The following PLEKHM3 variants were observed in gnomAD, a reference collection of about 807,000 sequenced individuals.
The protein encoded by PLEKHM3 is pleckstrin homology domain-containing family M member 3.
A neutral mutation model predicts 81.8 loss-of-function variants in PLEKHM3; 45 were observed. That is an observed-to-expected ratio of 0.55 (90% CI 0.43 to 0.71). The LOEUF (loss-of-function observed/expected upper bound fraction) is 0.71. Among genes scored for constraint, PLEKHM3 ranks in the 30% least tolerant of loss-of-function variants. The pLI, the probability that PLEKHM3 is intolerant of heterozygous loss-of-function variation, is 0.00. For synonymous variants in PLEKHM3, 352 were observed against 356.4 expected (o/e 0.99, Z 0.14); for missense variants, 788 against 924.3 (o/e 0.85, Z 1.91).
intron 4 of PLEKHM3, among the ~76,000 whole-genome samples, chr2:207,945,292 C>T (rs181026848): frequency 7.9e-5 from 12 of 152,282 alleles, no homozygotes; most frequent in African/African-American, 2.2e-4. Context: ...GGAGGGTCCC[C>T]GTGCTCACTT....
chr2:207,954,077 T>A (rs1360131817), intron 3 of PLEKHM3, among the ~76,000 whole-genome samples: 2 of 152,164 alleles, frequency 1.3e-5, no homozygotes, highest in Non-Finnish European at 2.9e-5. Context: ...ATCCCAGTAC[T>A]TTTGGAGACC....
intron 3 of PLEKHM3, among the ~76,000 whole-genome samples, chr2:207,967,052 T>G (rs1218871448): frequency 6.6e-6 from 1 of 152,228 alleles, no homozygotes; most frequent in Non-Finnish European, 1.5e-5. Context: ...GTCATGATTA[T>G]AGCTCACCGC....
intron 2 of PLEKHM3, among the ~76,000 whole-genome samples, chr2:207,993,794 T>G (rs1691980541): frequency 6.6e-6 from 1 of 152,196 alleles, no homozygotes; most frequent in Non-Finnish European, 1.5e-5. Context: ...TCTGGCAGTT[T>G]GTTGAGTTTC....
chr2:207,859,413 C>T (rs1229706742), intron 7 of PLEKHM3, among the ~76,000 whole-genome samples: 1 of 151,998 alleles, frequency 6.6e-6, no homozygotes, highest in African/African-American at 2.4e-5. Context: ...GCTGGGATTA[C>T]AGGTGTGAGC....
intron 7 of PLEKHM3, among the ~76,000 whole-genome samples, chr2:207,838,900 T>C (rs1245016710): frequency 6.6e-6 from 1 of 152,222 alleles, no homozygotes; most frequent in African/African-American, 2.4e-5. Flanking sequence ...TAGAAATTCC[T>C]AAAGTAGTTT....
chr2:207,869,655 T>C (rs2092522066), intron 6 of PLEKHM3, among the ~76,000 whole-genome samples: 1 of 152,232 alleles, frequency 6.6e-6, no homozygotes, highest in African/African-American at 2.4e-5. Flanking sequence ...AGCATCAAGC[T>C]TGTATCGGCT....
intron 2 of PLEKHM3, among the ~76,000 whole-genome samples, chr2:207,981,511 T>A (rs1288538402): frequency 2.0e-5 from 3 of 152,088 alleles, no homozygotes; most frequent in African/African-American, 7.2e-5. Flanking sequence ...ATACCTGGCT[T>A]ATTTTTTTAT....
At chr2:207,975,293 C>G (rs1280029117) in intron 3 of PLEKHM3, among the ~76,000 whole-genome samples, 1 of 152,128 alleles carries the variant, frequency 6.6e-6, no homozygotes, top group Non-Finnish European at 1.5e-5. Context: ...CATAACTAAC[C>G]TAAGTTCAAA....
intron 1 of PLEKHM3, among the ~76,000 whole-genome samples, chr2:208,010,555 A>C (rs941762592): frequency 6.6e-6 from 1 of 151,786 alleles, no homozygotes; most frequent in Non-Finnish European, 1.5e-5. Flanking sequence ...GAGAGGAAGA[A>C]GGCAAAAACT....
chr2:208,015,475 CA>C (rs11458602), intron 1 of PLEKHM3, among the ~76,000 whole-genome samples: 14 of 151,134 alleles, frequency 9.3e-5, no homozygotes, highest in African/African-American at 2.9e-4. Context: ...AGTTAATTTA[CA>C]AAAAAAAATC....
Position 208,001,607 on chromosome 2 carries a change from T to C in PLEKHM3, c.33A>G (p.Pro11=), listed in dbSNP as rs1692308880. 1 of 1,614,100 alleles carries C rather than the reference T, an allele frequency of 6.2e-7. No individual in the cohort carries two copies. Among genetic ancestry groups the C allele is most frequent in the Non-Finnish European group, 8.5e-7 (1 of 1,179,986 alleles). Residue 11 remains proline (P), a synonymous_variant, in exon 2 of 8, where the codon CCA becomes CCG. Transcript: ENST00000427836. Reference sequence around the variant, plus strand: ...AGAATTCCTCCGTAACTTCTAAGGCTGGGCTGATATCATCCACTTCCAAAG... The same window carrying C: ...AGAATTCCTCCGTAACTTCTAAGGCCGGGCTGATATCATCCACTTCCAAAG... MEALEVDDIS[P]ALEVTEEFFS...
In PLEKHM3 at chr2:208,001,167, T is replaced by A; in HGVS notation, c.473A>T (p.Asp158Val). ...ARSRSDITQV[D>V]WRVVLKTTPL... is the part of the protein sequence containing the mutation. ...CGTGGTTTTGAGGACTACCCTCCAG[T>A]CCACTTGGGTAATATCTGATCGTGA... The change falls in exon 2 of 8, where the codon GAC (aspartate) becomes GTC (valine). Residue 158 changes from aspartate (D) to valine (V), a missense_variant. By Grantham distance (152) the Asp-to-Val change is radical. Transcript: ENST00000427836. 1 of 1,614,022 alleles carries A rather than the reference T, an allele frequency of 6.2e-7. No individual in the cohort carries two copies.
chr2:208,008,607 C>G (rs897988686), intron 1 of PLEKHM3, among the ~76,000 whole-genome samples: 1 of 151,618 alleles, frequency 6.6e-6, no homozygotes, highest in Non-Finnish European at 1.5e-5. Context: ...AATTGAACTT[C>G]TCTTCTATAG....
At chr2:207,928,022 A>C (rs2718667) in intron 5 of PLEKHM3, among the ~76,000 whole-genome samples, 95,291 of 151,428 alleles carry the variant, frequency 0.63, 30,759 homozygotes, top group Middle Eastern at 0.79. Context: ...AAATTCAATA[A>C]CATCCCCCCT....
At position 207,842,659 on chromosome 2, in the gene PLEKHM3, G is replaced by A. The variant is rs556057712; in HGVS notation, c.2109-14163C>T. 4.7e-4 allele frequency among the ~76,000 whole-genome samples: 71 copies of A among 152,268 alleles called. 2 individuals are homozygous for A. In the South Asian group the frequency reaches 0.015, roughly 31 times the overall value. Reference sequence around the variant, plus strand: ...TCCCTTTCATTCAGTGAGAACATTCGTTGGAACTTCTGTTTCCATTCTGCG... The same window carrying A: ...TCCCTTTCATTCAGTGAGAACATTCATTGGAACTTCTGTTTCCATTCTGCG... On this transcript the variant is annotated intron_variant, in intron 7 of 7. Coordinates refer to ENST00000427836, the MANE Select transcript of PLEKHM3 (RefSeq NM_001080475.3).
intron 4 of PLEKHM3, among the ~76,000 whole-genome samples, chr2:207,938,169 T>C (rs1689818987): frequency 6.6e-6 from 1 of 152,244 alleles, no homozygotes; most frequent in Non-Finnish European, 1.5e-5. Flanking sequence ...GGTTGTTTGA[T>C]TTCCTTAACA....
At chr2:207,913,932 AAC>A (rs56352112) in intron 5 of PLEKHM3, among the ~76,000 whole-genome samples, 88,850 of 151,192 alleles carry the variant, frequency 0.59, 26,488 homozygotes, top group Middle Eastern at 0.69. Flanking sequence ...CGTGCATGAA[AAC>A]ACACACACAC....
chr2:207,905,269 C>T (rs1688565151), intron 6 of PLEKHM3, among the ~76,000 whole-genome samples: 1 of 152,150 alleles, frequency 6.6e-6, no homozygotes, highest in African/African-American at 2.4e-5. Context: ...TCTGCTTTTA[C>T]AGAAACCTTT....
intron 3 of PLEKHM3, among the ~76,000 whole-genome samples, chr2:207,957,927 G>A (rs114694800): frequency 0.016 from 2,367 of 152,222 alleles, 68 homozygotes; most frequent in African/African-American, 0.053. Flanking sequence ...GGGTGGGTAA[G>A]CTACTGATAT....
Sources: allele counts gnomAD v4.1 joint callset (sites outside exome capture counted in the v4.1 genomes callset), GRCh38; gene constraint gnomAD v4.1.1; transcripts MANE v1.5; gene names NCBI Gene and HGNC (gene_info 2026-07-23, HGNC 2026-07-21).